The following PTPRH variants were observed in gnomAD, a reference collection of about 807,000 sequenced individuals.
The protein encoded by PTPRH is protein tyrosine phosphatase receptor type H.
In PTPRH, 113 loss-of-function variants were observed where a neutral mutation model predicts 130.2. The ratio of observed to expected loss-of-function variants is 0.87; its 90% CI spans 0.75 to 1.01. The LOEUF (loss-of-function observed/expected upper bound fraction) is 1.01, where lower values mean the gene tolerates loss of function less well. Ranked by LOEUF, PTPRH falls within the 50% of genes least tolerant of loss-of-function variation. PTPRH has a pLI of 0.00. For missense variants in PTPRH, 1,430 were observed against 1,425.0 expected (o/e 1.00, Z -0.06); for synonymous variants, 556 against 577.9 (o/e 0.96, Z 0.54).
Position 55,191,717 on chromosome 19 carries a change from C to A in PTPRH, c.2282G>T (p.Gly761Val), listed in dbSNP as rs2086542593. 6.2e-7 allele frequency: 1 copy of A among 1,614,014 alleles called. No homozygotes were observed. Among genetic ancestry groups the A allele is most frequent in the Non-Finnish European group, 8.5e-7 (1 of 1,179,948 alleles). ...CACGAGGATGAGAAACAGGAGGATG[C>A]CCACAAAGGCTCCGGCAATGACCCC... ...SAGVIAGAFVGILLFLILVGL... is the reference protein window; with the variant it reads ...SAGVIAGAFVVILLFLILVGL... The change falls in exon 11 of 20, where the codon GGC becomes GTC. Residue 761 changes from glycine (G) to valine (V), a missense_variant. By Grantham distance (109) the Gly-to-Val change is moderately radical. Coordinates refer to ENST00000376350, the MANE Select transcript of PTPRH (RefSeq NM_002842.5).
chr19:55,199,974 G>T (rs2086807776), intron 7 of PTPRH, among the ~76,000 whole-genome samples: 1 of 151,698 alleles, frequency 6.6e-6, no homozygotes, highest in Non-Finnish European at 1.5e-5. Flanking sequence ...AAGGAAGGAA[G>T]GGGAAGGGAA....
chr19:55,186,203 AC>A (rs1409825467), intron 16 of PTPRH, 21 bp downstream of exon 16: 4 of 1,600,400 alleles, frequency 2.5e-6, no homozygotes, highest in Non-Finnish European at 2.6e-6. Context: ...CCCAGTCAGC[AC>A]CCAGGACTCA....
At chr19:55,187,221 T>C (rs1439872780) in intron 14 of PTPRH, among the ~76,000 whole-genome samples, 1 of 147,484 alleles carries the variant, frequency 6.8e-6, no homozygotes, top group Non-Finnish European at 1.5e-5. Flanking sequence ...GGCGGGCACC[T>C]GTAGTCCCAG....
At chr19:55,182,198 G>C (rs1206437495) in intron 18 of PTPRH, 47 bp from the exon 19 acceptor site, 5 of 1,592,818 alleles carry the variant, frequency 3.1e-6, no homozygotes, top group South Asian at 2.2e-5. Flanking sequence ...GGAGTGTGAG[G>C]GTCCGGGGTC....
At chr19:55,194,246 T>C (rs1166886386) in intron 10 of PTPRH, 1 of 1,289,802 alleles carries the variant, frequency 7.8e-7, no homozygotes, top group Non-Finnish European at 1.0e-6. Flanking sequence ...CTCAAGCCTA[T>C]GGCCCATCTT....
chr19:55,205,259 C>A, intron 4 of PTPRH, 67 bp downstream of exon 4: 1 of 1,590,436 alleles, frequency 6.3e-7, no homozygotes, highest in South Asian at 1.2e-5. Flanking sequence ...AATAGAAATC[C>A]GCTACGTTCT....
intron 18 of PTPRH, among the ~76,000 whole-genome samples, chr19:55,182,501 C>A (rs377174180): frequency 6.6e-6 from 1 of 152,072 alleles, no homozygotes; most frequent in African/African-American, 2.4e-5. Flanking sequence ...CCAGCCTGGG[C>A]GACAAGAGCA....
chr19:55,209,116 C>A lies in PTPRH; in HGVS notation c.51+267G>T, dbSNP rs1040258102. 6.6e-6 allele frequency among the ~76,000 whole-genome samples: 1 copy of A among 151,764 alleles called. No individual in the cohort carries two copies. Among genetic ancestry groups the A allele is most frequent in the African/African-American group, 2.4e-5 (1 of 41,232 alleles). On this transcript the variant is annotated intron_variant, in intron 1 of 19. Coordinates refer to ENST00000376350, the MANE Select transcript of PTPRH (RefSeq NM_002842.5). The surrounding 1 kb of genome is among the most constrained non-coding windows in gnomAD (Gnocchi z 4.1). ...AGCAGACACGACAGTGTCTAAGGGCCCGGGTGAAGCTGGTGTCCCCCACAA... is the reference window on the plus strand; with the variant it reads ...AGCAGACACGACAGTGTCTAAGGGCACGGGTGAAGCTGGTGTCCCCCACAA...
At position 55,203,793 on chromosome 19, in the gene PTPRH, G is replaced by A. The variant is rs765043374; in HGVS notation, c.875C>T (p.Thr292Ile). ...CGGCTGCCTCTTACCTGTGGCACTAGTGACAATCTCCACAGAGCTATTTAC... is the reference window on the plus strand; with the variant it reads ...CGGCTGCCTCTTACCTGTGGCACTAATGACAATCTCCACAGAGCTATTTAC... ...DGVNSSVEIV[T>I]SATAPNPVRN... The change falls in exon 5 of 20, where the codon ACT becomes ATT. Residue 292 changes from threonine to isoleucine, a missense_variant. Transcript: ENST00000376350. 3.4e-5 allele frequency: 54 copies of A among 1,603,394 alleles called. No individual in the cohort carries two copies. The highest frequency in any genetic ancestry group is 3.4e-5 in the Non-Finnish European group (40 of 1,171,006).
Position 55,191,882 on chromosome 19 carries a change from G to T in PTPRH, c.2258-141C>A, listed in dbSNP as rs752572069. On this transcript the variant is annotated intron_variant, in intron 10 of 19. Transcript: ENST00000376350. ...CCGAACATCACACGGTGTGAATTGCGTCGGTCCAGTTATACTTACGCGCTT... is the reference window on the plus strand; with the variant it reads ...CCGAACATCACACGGTGTGAATTGCTTCGGTCCAGTTATACTTACGCGCTT... 1.8e-5 allele frequency: 14 copies of T among 782,500 alleles called. No homozygotes were observed. In the East Asian group the frequency reaches 3.6e-4, roughly 20 times the overall value. The allele number at this position is 782,500 out of a possible 1,614,324, so 48.5% of individuals were successfully genotyped here.
At position 55,198,623 on chromosome 19, in the gene PTPRH, C is replaced by A; in HGVS notation, c.1690+20G>T. The A allele has an allele frequency of 1.3e-6, 2 of 1,575,666 alleles. No individual in the cohort carries two copies. Among genetic ancestry groups the A allele is most frequent in the South Asian group, 1.2e-5 (1 of 85,068 alleles). On this transcript the variant is annotated intron_variant, in intron 8 of 19. Transcript: ENST00000376350. The stretch of plus-strand genomic sequence containing the variant: ...TCCCCCATCCTAATAGGGCTGGGTT[C>A]AGAACCGACTGTGTCTCACCAGTGG...
chr19:55,197,834 G>C (rs994937059), intron 8 of PTPRH, among the ~76,000 whole-genome samples: 1 of 152,160 alleles, frequency 6.6e-6, no homozygotes, highest in Non-Finnish European at 1.5e-5. Flanking sequence ...CCCAGGTAGG[G>C]TGTCTTCTCA....
chr19:55,191,455 A>G (rs1235743561), intron 12 of PTPRH, 46 bp downstream of exon 12: 1 of 1,607,378 alleles, frequency 6.2e-7, no homozygotes, highest in Non-Finnish European at 8.5e-7. Context: ...ACACCCCTTG[A>G]TTTGACCAGA....
At chr19:55,203,396 T>C (rs2086935497) in intron 5 of PTPRH, among the ~76,000 whole-genome samples, 1 of 141,576 alleles carries the variant, frequency 7.1e-6, no homozygotes, top group African/African-American at 2.7e-5. Context: ...AGTTTCTTTC[T>C]TTCCTTCCTT....
intron 7 of PTPRH, 117 bp downstream of exon 7, chr19:55,200,119 G>A (rs542089303): frequency 8.4e-7 from 1 of 1,191,596 alleles, no homozygotes; most frequent in African/African-American, 1.5e-5. Context: ...GACTTGGAGA[G>A]GCAGATGTCT....
rs141399281 is a variant in PTPRH, at chr19:55,181,734, C to T, written c.*20G>A. On this transcript the variant is annotated 3_prime_UTR_variant, in exon 20 of 20. Transcript: ENST00000376350. ...CAGAGCTTGAGGATGCCTGGGCTGC[C>T]GACCCAGCCCCCTCGTCACTTAGAC... 1.6e-4 allele frequency: 264 copies of T among 1,613,726 alleles called. No individual in the cohort carries two copies. The African/African-American group carries it at 2.8e-3, about 17-fold the overall frequency.
Position 55,198,659 on chromosome 19 carries a change from G to A in PTPRH, c.1674C>T (p.Thr558=), listed in dbSNP as rs537505844. 1.0e-4 allele frequency: 160 copies of A among 1,607,512 alleles called. No homozygotes were observed. The South Asian group carries it at 1.6e-3, about 16-fold the overall frequency. ...ERNEVRGYNS[T]LTAATAPNEV... ...GTGTCTCACCAGTGGCTGCAGTGAG[G>A]GTGCTGTTATAGCCTCTGACCTCAT... The change falls in exon 8 of 20, where the codon ACC becomes ACT. Residue 558 remains threonine (T), a synonymous_variant. Transcript: ENST00000376350.
intron 8 of PTPRH, 26 bp from the exon 9 acceptor site, chr19:55,197,442 G>A (rs2086723435): frequency 6.3e-7 from 1 of 1,595,990 alleles, no homozygotes; most frequent in Admixed American, 1.7e-5. Context: ...AGAGGCCTAA[G>A]GGGGTATCCT....
chr19:55,185,058 G>A (rs977174496), intron 18 of PTPRH, among the ~76,000 whole-genome samples: 3 of 150,136 alleles, frequency 2.0e-5, no homozygotes, highest in African/African-American at 2.5e-5. Flanking sequence ...GCAGTGGTGC[G>A]ACCTCAGCTC....
Sources: allele counts gnomAD v4.1 joint callset (sites outside exome capture counted in the v4.1 genomes callset), GRCh38; gene constraint gnomAD v4.1.1; non-coding constraint Gnocchi (gnomAD v3.1); transcripts MANE v1.5; gene names NCBI Gene and HGNC (gene_info 2026-07-23, HGNC 2026-07-21).